TULP3: variants seen among roughly 807,000 people sequenced by gnomAD.
TULP3 encodes tubby-related protein 3.
TULP3 carries 38 observed loss-of-function variants against 50.7 expected under a neutral mutation model. The observed-to-expected ratio is 0.75, with a 90% confidence interval of 0.58 to 0.98. The LOEUF (loss-of-function observed/expected upper bound fraction) is 0.98, where lower values mean the gene tolerates loss of function less well. TULP3 is among the 50% of genes least tolerant of loss of function. The pLI is 0.00. For synonymous variants in TULP3, 183 were observed against 196.6 expected (o/e 0.93, Z 0.58); for missense variants, 550 against 568.0 (o/e 0.97, Z 0.32).
intron 4 of TULP3, among the ~76,000 whole-genome samples, chr12:2,926,729 C>A (rs544615703): frequency 6.6e-6 from 1 of 151,126 alleles, no homozygotes; most frequent in Non-Finnish European, 1.5e-5. Flanking sequence ...GGTGAAACTC[C>A]GTTTCCACTA....
chr12:2,921,679 A>G (rs573677552), intron 3 of TULP3, among the ~76,000 whole-genome samples: 2 of 152,310 alleles, frequency 1.3e-5, no homozygotes, highest in South Asian at 2.1e-4. Flanking sequence ...GATCTGTACT[A>G]TGGAGGACCT....
Position 2,939,505 on chromosome 12 carries a change from C to CCCCTT in TULP3, c.*65_*69dup. On this transcript the variant is annotated 3_prime_UTR_variant, in exon 11 of 11. Transcript: ENST00000448120. This position sits in a 1 kb window ranked among gnomAD's most constrained non-coding sequence, Gnocchi z 4.0. ...AGCTTTCAGGAGCAGACAGTGGCCTCCCCTTCCCCTCCCTGCCCCAGGACT... is the reference window on the plus strand; with the variant it reads ...AGCTTTCAGGAGCAGACAGTGGCCTCCCCTTCCCTTCCCCTCCCTGCCCCAGGACT... The CCCCTT allele has an allele frequency of 6.3e-7, 1 of 1,598,184 alleles. No homozygotes were observed. The highest frequency in any genetic ancestry group is 8.5e-7 in the Non-Finnish European group (1 of 1,173,122).
At chr12:2,909,485 G>T in intron 1 of TULP3, 44 bp from the exon 2 acceptor site, 2 of 1,542,172 alleles carry the variant, frequency 1.3e-6, no homozygotes, top group East Asian at 2.3e-5. Flanking sequence ...TTGACAAGGC[G>T]TTTTCTTTTT....
intron 4 of TULP3, among the ~76,000 whole-genome samples, chr12:2,923,301 C>T (rs2098192839): frequency 1.3e-5 from 2 of 152,154 alleles, no homozygotes; most frequent in South Asian, 4.1e-4. Context: ...TCAGGAGATT[C>T]TACCACGGAA....
At chr12:2,917,823 G>A (rs934041202) in intron 2 of TULP3, among the ~76,000 whole-genome samples, 2 of 151,562 alleles carry the variant, frequency 1.3e-5, no homozygotes, top group Non-Finnish European at 2.9e-5. Context: ...CTTGCAGTGA[G>A]CCGAGATCGC....
intron 1 of TULP3, among the ~76,000 whole-genome samples, chr12:2,909,174 T>C (rs992420064): frequency 1.3e-5 from 2 of 152,220 alleles, no homozygotes; most frequent in Non-Finnish European, 2.9e-5. Context: ...TAGGGCTGTT[T>C]GAAAGAATAA....
intron 4 of TULP3, among the ~76,000 whole-genome samples, chr12:2,926,484 C>CA (rs1305740569): frequency 6.6e-6 from 1 of 152,158 alleles, no homozygotes; most frequent in Non-Finnish European, 1.5e-5. Context: ...AACCCTGTCT[C>CA]AAAAAATAAT....
In TULP3 at chr12:2,940,265, G is replaced by C. The variant is rs1007664262; in HGVS notation, c.*821G>C. On this transcript the variant is annotated 3_prime_UTR_variant, in exon 11 of 11. Coordinates refer to ENST00000448120, the MANE Select transcript of TULP3 (RefSeq NM_003324.5). ...CGACACACACACCTGTAGGCATCCTGTGCAAACACTTTGTCATTATCAAGA... is the reference window on the plus strand; with the variant it reads ...CGACACACACACCTGTAGGCATCCTCTGCAAACACTTTGTCATTATCAAGA... The C allele has an allele frequency of 2.4e-5, 33 of 1,392,948 alleles. No homozygotes were observed. The Admixed American group carries it at 2.6e-4, about 11-fold the overall frequency. The allele number at this position is 1,392,948 out of a possible 1,614,324, so 86.3% of individuals were successfully genotyped here.
At chr12:2,922,186 C>G in intron 3 of TULP3, 76 bp from the exon 4 acceptor site, 2 of 1,516,194 alleles carry the variant, frequency 1.3e-6, no homozygotes. Context: ...TAATTCTGAT[C>G]ACATATGCCA....
At chr12:2,936,762 A>G (rs1433451993) in intron 8 of TULP3, among the ~76,000 whole-genome samples, 2 of 151,082 alleles carry the variant, frequency 1.3e-5, no homozygotes, top group African/African-American at 4.9e-5. Context: ...AAAAAAAAAT[A>G]GTTAAGAGTA....
intron 4 of TULP3, among the ~76,000 whole-genome samples, chr12:2,923,659 A>G (rs1459281296): frequency 6.6e-6 from 1 of 150,656 alleles, no homozygotes. Context: ...AAAAAAAAAA[A>G]AAAAGAAAAG....
Position 2,940,326 on chromosome 12 carries a change from A to AG in TULP3, c.*882_*883insG. On this transcript the variant is annotated 3_prime_UTR_variant, in exon 11 of 11. Coordinates refer to ENST00000448120, the MANE Select transcript of TULP3 (RefSeq NM_003324.5). ...TATTGACCATTTAGTTTAGTTAAAA[A>AG]AAAAAAAAAAAAGGTGGCAGGAGAG... 2 of 1,337,868 alleles carry AG rather than the reference A, an allele frequency of 1.5e-6. No homozygotes were observed. Among genetic ancestry groups the AG allele is most frequent in the Non-Finnish European group, 2.0e-6 (2 of 1,018,448 alleles). The allele number at this position is 1,337,868 out of a possible 1,614,324, so 82.9% of individuals were successfully genotyped here.
Position 2,939,255 on chromosome 12 carries a change from T to G in TULP3, c.1196-56T>G. The G allele has an allele frequency of 6.3e-7, 1 of 1,577,556 alleles. No homozygotes were observed. Among genetic ancestry groups the G allele is most frequent in the Middle Eastern group, 1.7e-4 (1 of 5,900 alleles). On this transcript the variant is annotated intron_variant, in intron 10 of 10. Transcript: ENST00000448120. This position sits in a 1 kb window ranked among gnomAD's most constrained non-coding sequence, Gnocchi z 4.0. ...AAGAAAAGGAAGAAAAAGAAAAAGA[T>G]TTCCCTGAGTGCAACCACATTATAT...
chr12:2,892,668 C>T (rs1180829475), intron 1 of TULP3, among the ~76,000 whole-genome samples: 1 of 151,864 alleles, frequency 6.6e-6, no homozygotes, highest in African/African-American at 2.4e-5. Flanking sequence ...CGCGCCACCA[C>T]GCCCAGCTAA....
intron 1 of TULP3, among the ~76,000 whole-genome samples, chr12:2,895,637 T>G (rs889373013): frequency 6.6e-6 from 1 of 152,066 alleles, no homozygotes; most frequent in Non-Finnish European, 1.5e-5. Context: ...TCCACAATTA[T>G]CTGAAATTGT....
At chr12:2,928,030 T>C (rs2098195647) in intron 4 of TULP3, among the ~76,000 whole-genome samples, 1 of 152,124 alleles carries the variant, frequency 6.6e-6, no homozygotes, top group Admixed American at 6.6e-5. Flanking sequence ...TGCATTCCTC[T>C]CCAGATTATA....
At chr12:2,938,934 T>C (rs2098203094) in intron 10 of TULP3, among the ~76,000 whole-genome samples, 1 of 152,116 alleles carries the variant, frequency 6.6e-6, no homozygotes, top group South Asian at 2.1e-4. Flanking sequence ...GGTGATTAAC[T>C]GGCCTATTTG....
chr12:2,934,418 A>G (rs1365844344), intron 7 of TULP3, 29 bp from the exon 8 acceptor site: 2 of 1,461,600 alleles, frequency 1.4e-6, no homozygotes, highest in Non-Finnish European at 1.9e-6. Context: ...AATACAGATC[A>G]TCATGGTGAC....
intron 1 of TULP3, among the ~76,000 whole-genome samples, chr12:2,903,570 AAAAAAAG>A (rs1287864157): frequency 3.9e-5 from 6 of 152,060 alleles, no homozygotes; most frequent in South Asian, 2.1e-4. Flanking sequence ...CTCAAAAAAA[AAAAAAAG>A]AAAAAAGAAA....
Sources: allele counts gnomAD v4.1 joint callset (sites outside exome capture counted in the v4.1 genomes callset), GRCh38; gene constraint gnomAD v4.1.1; non-coding constraint Gnocchi (gnomAD v3.1); transcripts MANE v1.5; gene names NCBI Gene and HGNC (gene_info 2026-07-23, HGNC 2026-07-21).